GTF3C3: variants seen among roughly 807,000 people sequenced by gnomAD.
The protein encoded by GTF3C3 is general transcription factor 3C polypeptide 3.
Under a neutral mutation model 105.2 loss-of-function variants are expected in GTF3C3, and 75 were observed. That is an observed-to-expected ratio of 0.71 (90% confidence interval 0.59 to 0.86). The LOEUF (loss-of-function observed/expected upper bound fraction) is 0.86, where lower values mean the gene tolerates loss of function less well. Among genes scored for constraint, GTF3C3 ranks in the 40% least tolerant of loss-of-function variants. GTF3C3 has a pLI of 0.00. For missense variants in GTF3C3, 856 were observed against 1,076.5 expected (o/e 0.80, Z 2.87); for synonymous variants, 335 against 370.4 (o/e 0.90, Z 1.10).
intron 14 of GTF3C3, among the ~76,000 whole-genome samples, chr2:196,772,565 TATA>T (rs746463126): frequency 3.6e-4 from 54 of 150,950 alleles, no homozygotes; most frequent in African/African-American, 2.9e-4. Flanking sequence ...TAATAATAAT[TATA>T]ATAATAATAA....
At chr2:196,780,370 G>A in intron 9 of GTF3C3, 189 bp downstream of exon 9, 1 of 1,235,856 alleles carries the variant, frequency 8.1e-7, no homozygotes, top group Non-Finnish European at 1.0e-6. Flanking sequence ...ATAAATTACT[G>A]TAAGCCCAAT....
intron 16 of GTF3C3, chr2:196,766,971 G>A: frequency 3.5e-6 from 1 of 283,732 alleles, no homozygotes; most frequent in Non-Finnish European, 6.5e-6. Flanking sequence ...AGTTACCAGA[G>A]ATTCATAATC....
chr2:196,779,364 G>C (rs1386286063), intron 9 of GTF3C3, among the ~76,000 whole-genome samples: 1 of 152,064 alleles, frequency 6.6e-6, no homozygotes, highest in Non-Finnish European at 1.5e-5. Context: ...CTGGCCTCAA[G>C]TGATCTACCC....
chr2:196,769,552 C>T (rs1016584934), intron 16 of GTF3C3, among the ~76,000 whole-genome samples: 1 of 151,998 alleles, frequency 6.6e-6, no homozygotes, highest in Non-Finnish European at 1.5e-5. Context: ...GAAACAGGCA[C>T]AATCATATTA....
intron 1 of GTF3C3, among the ~76,000 whole-genome samples, chr2:196,798,353 T>A (rs983977962): frequency 1.3e-5 from 2 of 151,230 alleles, no homozygotes; most frequent in Non-Finnish European, 3.0e-5. Context: ...GAAGAAACCC[T>A]GTCTCTACAA....
At chr2:196,779,209 C>T (rs948825551) in intron 9 of GTF3C3, 142 bp from the exon 10 acceptor site, 1 of 641,888 alleles carries the variant, frequency 1.6e-6, no homozygotes, top group Non-Finnish European at 2.7e-6. Flanking sequence ...CTCACTGCAA[C>T]CTCTGCTTGC....
intron 8 of GTF3C3, among the ~76,000 whole-genome samples, chr2:196,781,910 A>G (rs887747616): frequency 1.3e-5 from 2 of 152,194 alleles, no homozygotes; most frequent in African/African-American, 4.8e-5. Flanking sequence ...AGCTAAAGTC[A>G]CCTGTCTGAG....
chr2:196,793,178 AG>A, intron 2 of GTF3C3, 26 bp from the exon 3 acceptor site: 9 of 1,487,614 alleles, frequency 6.0e-6, no homozygotes, highest in Non-Finnish European at 8.3e-6. Context: ...TTGATGGGGG[AG>A]GGGTGGGGAA....
At chr2:196,797,625 A>G (rs1197290167) in intron 2 of GTF3C3, among the ~76,000 whole-genome samples, 172 bp downstream of exon 2, 1 of 152,262 alleles carries the variant, frequency 6.6e-6, no homozygotes. Context: ...AGGGTATTCA[A>G]TAACTCAACA....
intron 16 of GTF3C3, among the ~76,000 whole-genome samples, chr2:196,769,317 G>T (rs1699128608): frequency 6.6e-6 from 1 of 152,072 alleles, no homozygotes; most frequent in Non-Finnish European, 1.5e-5. Context: ...TAAAAGACAT[G>T]TCTATACCAT....
In GTF3C3 at chr2:196,764,521, TCA is replaced by T; in HGVS notation, c.*40_*41del. ...GCCCTGAGACAGAAGACACTGGTCC[TCA>T]CACAGCAGCTGCCATTGCTCTGTTC... On this transcript the variant is annotated 3_prime_UTR_variant, in exon 18 of 18. Coordinates refer to ENST00000263956, the MANE Select transcript of GTF3C3 (RefSeq NM_012086.5). 6.3e-7 allele frequency: 1 copy of T among 1,578,560 alleles called. No individual in the cohort carries two copies. Among genetic ancestry groups the T allele is most frequent in the Non-Finnish European group, 8.6e-7 (1 of 1,157,304 alleles).
At chr2:196,765,816 C>G (rs1254349100) in intron 17 of GTF3C3, among the ~76,000 whole-genome samples, 1 of 151,642 alleles carries the variant, frequency 6.6e-6, no homozygotes, top group Non-Finnish European at 1.5e-5. Context: ...CGAGACCATC[C>G]TGGTTAACAT....
intron 6 of GTF3C3, among the ~76,000 whole-genome samples, 161 bp downstream of exon 6, chr2:196,789,043 G>T (rs990690402): frequency 1.3e-5 from 2 of 152,192 alleles, no homozygotes; most frequent in Admixed American, 6.5e-5. Flanking sequence ...TCCAGCCTGG[G>T]TGACAGAGCA....
Position 196,763,801 on chromosome 2 carries a change from GTTT to G in GTF3C3, c.*759_*761del, listed in dbSNP as rs1332205397. 3 of 152,084 alleles carry G rather than the reference GTTT, an allele frequency of 2.0e-5. No individual in the cohort carries two copies. The highest frequency in any genetic ancestry group is 1.9e-4 in the East Asian group (1 of 5,188). 9.4% of individuals were successfully genotyped at this position (152,084 alleles called of 1,614,324 possible). A position where few individuals can be genotyped will look rare whatever the true frequency, so the allele number is the denominator to read the frequency against. Reference sequence around the variant, plus strand: ...AGATGAGTAAACAAACAAAAAAAAAGTTTTTTACTTTATCAATCAGCAGTATGT... The same window carrying G: ...AGATGAGTAAACAAACAAAAAAAAAGTTTACTTTATCAATCAGCAGTATGT... On this transcript the variant is annotated 3_prime_UTR_variant, in exon 18 of 18. Transcript: ENST00000263956.
chr2:196,792,887 A>G, intron 3 of GTF3C3, 69 bp downstream of exon 3: 1 of 967,946 alleles, frequency 1.0e-6, no homozygotes, highest in Non-Finnish European at 1.6e-6. Flanking sequence ...CCCAGGTATA[A>G]CTTACAGACT....
intron 14 of GTF3C3, among the ~76,000 whole-genome samples, chr2:196,772,334 A>C (rs1235879297): frequency 6.6e-6 from 1 of 152,140 alleles, no homozygotes; most frequent in East Asian, 1.9e-4. Flanking sequence ...GAGGCACCTG[A>C]GGTCGGGAGT....
At chr2:196,782,354 G>GA (rs1229960872) in intron 8 of GTF3C3, among the ~76,000 whole-genome samples, 2 of 139,070 alleles carry the variant, frequency 1.4e-5, no homozygotes, top group African/African-American at 6.0e-5. Flanking sequence ...TCTTTTGTTA[G>GA]AGAGTCCAAA....
Position 196,798,041 on chromosome 2 carries a change from T to C in GTF3C3, c.103-133A>G, listed in dbSNP as rs551818491. ...GACCATGGGTTGGCAGTTTATAGAA[T>C]AGGGCATTTGCCTAATTTTCTATTC... On this transcript the variant is annotated intron_variant, in intron 1 of 17. Transcript: ENST00000263956. The C allele has an allele frequency of 6.9e-5, 43 of 624,956 alleles. 1 individual carries two copies. Among genetic ancestry groups the C allele is most frequent in the South Asian group, 5.9e-4 (31 of 52,412 alleles). The allele number at this position is 624,956 out of a possible 1,614,324, so 38.7% of individuals were successfully genotyped here.
intron 17 of GTF3C3, among the ~76,000 whole-genome samples, chr2:196,765,146 CACGGAAAGGCATATA>C (rs1387267612): frequency 2.0e-5 from 3 of 152,060 alleles, no homozygotes; most frequent in African/African-American, 7.2e-5. Flanking sequence ...CCTATGCTAT[CACGGAAAGGCATATA>C]AAGTGTAGGT....
Sources: allele counts gnomAD v4.1 joint callset (sites outside exome capture counted in the v4.1 genomes callset), GRCh38; gene constraint gnomAD v4.1.1; transcripts MANE v1.5; gene names NCBI Gene and HGNC (gene_info 2026-07-23, HGNC 2026-07-21).